Variants in TEX36 observed in about 807,000 individuals in gnomAD.
TEX36 encodes the protein testis expressed 36.
In TEX36, 12 loss-of-function variants were observed where a neutral mutation model predicts 13.6. The observed-to-expected ratio is 0.88, with a 90% CI of 0.56 to 1.43. TEX36 has a LOEUF of 1.43. Among genes scored for constraint, TEX36 ranks in the 40% most tolerant of loss-of-function variants. The probability of loss-of-function intolerance (pLI) is 0.00; values close to 1 mark genes in which losing one functional copy is unlikely to be tolerated. For synonymous variants in TEX36, 93 were observed against 83.0 expected, an observed-to-expected ratio of 1.12 and a Z score of -0.65; for missense variants, 224 against 228.3, an observed-to-expected ratio of 0.98 and a Z score of 0.12.
intron 1 of TEX36, among the ~76,000 whole-genome samples, chr10:125,673,505 G>A (rs1847264126): frequency 6.6e-6 from 1 of 152,080 alleles, no homozygotes; most frequent in Non-Finnish European, 1.5e-5. Context: ...GAGGTCAGGA[G>A]TTCAAGACCA....
intron 3 of TEX36, among the ~76,000 whole-genome samples, chr10:125,584,309 G>A (rs975512156): frequency 2.6e-5 from 4 of 152,228 alleles, no homozygotes; most frequent in African/African-American, 9.6e-5. Flanking sequence ...AACGCACTAA[G>A]TTTTGGGGTG....
intron 3 of TEX36, among the ~76,000 whole-genome samples, chr10:125,630,541 A>T (rs1377695365): frequency 6.6e-6 from 1 of 152,196 alleles, no homozygotes; most frequent in Non-Finnish European, 1.5e-5. Context: ...CTCAGGAATT[A>T]GACATGGTCA....
intron 3 of TEX36, among the ~76,000 whole-genome samples, chr10:125,590,448 GGCA>G (rs1295961108): frequency 3.9e-5 from 6 of 152,072 alleles, no homozygotes; most frequent in Admixed American, 2.0e-4. Flanking sequence ...AAAGGTGGGG[GGCA>G]GCTAATAATA....
At chr10:125,652,298 A>G (rs1452630980), downstream of TEX36, among the ~76,000 whole-genome samples, 1 of 152,216 alleles carries the variant, frequency 6.6e-6, no homozygotes, top group Admixed American at 6.5e-5. Flanking sequence ...GATATAGACC[A>G]ATGGAACAGA....
At chr10:125,665,369 A>G (rs187980291) in intron 1 of TEX36, among the ~76,000 whole-genome samples, 63 of 152,158 alleles carry the variant, frequency 4.1e-4, no homozygotes, top group African/African-American at 1.4e-3. Flanking sequence ...AGTGTTTTTT[A>G]CAGTTTCAGA....
chr10:125,658,324 A>G (rs1379317394), intron 3 of TEX36, among the ~76,000 whole-genome samples: 1 of 152,156 alleles, frequency 6.6e-6, no homozygotes, highest in African/African-American at 2.4e-5. Flanking sequence ...GCATATAAAG[A>G]GAAACACTTC....
intron 2 of TEX36, 103 bp downstream of exon 2, chr10:125,661,743 G>A (rs2133596270): frequency 4.9e-6 from 7 of 1,436,886 alleles, no homozygotes; most frequent in Middle Eastern, 4.2e-4. Flanking sequence ...TAGTAAATGC[G>A]CAGTTTCTTA....
intron 3 of TEX36, among the ~76,000 whole-genome samples, chr10:125,606,910 G>A (rs1846222336): frequency 6.6e-6 from 1 of 152,136 alleles, no homozygotes; most frequent in Admixed American, 6.5e-5. Flanking sequence ...ATACTTGCAA[G>A]GATAGTATCA....
intron 1 of TEX36, chr10:125,666,813 C>T (rs775606777): frequency 6.5e-5 from 17 of 263,524 alleles, no homozygotes; most frequent in South Asian, 1.2e-4. Context: ...GGAGAAGGCC[C>T]GCTCTTCAAG....
chr10:125,635,427 G>T (rs998852293), intron 3 of TEX36, among the ~76,000 whole-genome samples: 1 of 152,208 alleles, frequency 6.6e-6, no homozygotes, highest in African/African-American at 2.4e-5. Context: ...CACAAAGACA[G>T]CAAGTAACTG....
At chr10:125,613,590 T>C (rs1208449524) in intron 3 of TEX36, among the ~76,000 whole-genome samples, 1 of 151,832 alleles carries the variant, frequency 6.6e-6, no homozygotes, top group Non-Finnish European at 1.5e-5. Flanking sequence ...TTCATCCATG[T>C]CCCTACAAAG....
At chr10:125,667,845 A>G (rs903951601) in intron 1 of TEX36, 37 of 1,498,812 alleles carry the variant, frequency 2.5e-5, no homozygotes, top group Non-Finnish European at 3.4e-5. Context: ...CTCCCAGTGG[A>G]CTCATCTGCA....
chr10:125,678,741 A>C (rs1025564122), intron 1 of TEX36, among the ~76,000 whole-genome samples: 1 of 152,092 alleles, frequency 6.6e-6, no homozygotes, highest in Non-Finnish European at 1.5e-5. Context: ...GGTAGTGGCC[A>C]GGAGTTTAGG....
At chr10:125,640,373 C>T (rs1483018) in intron 3 of TEX36, among the ~76,000 whole-genome samples, 1 of 152,302 alleles carries the variant, frequency 6.6e-6, no homozygotes, top group Admixed American at 6.5e-5. Flanking sequence ...AAATCACACG[C>T]TACACCTAAC....
At chr10:125,607,005 C>T (rs1846223661) in intron 3 of TEX36, among the ~76,000 whole-genome samples, 1 of 152,186 alleles carries the variant, frequency 6.6e-6, no homozygotes, top group Non-Finnish European at 1.5e-5. Context: ...TCCTAGGTAT[C>T]ATATTTATCA....
intron 3 of TEX36, among the ~76,000 whole-genome samples, chr10:125,597,430 T>C (rs1012332896): frequency 6.6e-6 from 1 of 152,240 alleles, no homozygotes; most frequent in African/African-American, 2.4e-5. Flanking sequence ...TTGCAACTAA[T>C]GCTTAATACC....
chr10:125,600,019 C>T (rs2133541043), intron 3 of TEX36, among the ~76,000 whole-genome samples: 1 of 152,310 alleles, frequency 6.6e-6, no homozygotes, highest in Admixed American at 6.5e-5. Flanking sequence ...GATTGGCTGT[C>T]TGATTCAGCC....
intron 1 of TEX36, chr10:125,667,650 T>A: frequency 1.4e-6 from 1 of 719,920 alleles, no homozygotes; most frequent in Non-Finnish European, 2.6e-6. Context: ...ACACCACCCT[T>A]GGACATGACA....
intron 3 of TEX36, among the ~76,000 whole-genome samples, chr10:125,649,076 C>G (rs1250953490): frequency 6.6e-6 from 1 of 152,162 alleles, no homozygotes; most frequent in African/African-American, 2.4e-5. Flanking sequence ...ACTTGGAAAA[C>G]CTCTTCAGGA....
Sources: gnomAD v4.1 joint callset for allele counts (sites outside exome capture counted in the v4.1 genomes callset) on GRCh38, gnomAD v4.1.1 for gene constraint, MANE v1.5 for transcripts, NCBI Gene and HGNC (gene_info 2026-07-23, HGNC 2026-07-21) for gene names.